The following GALNT9 variants were observed in gnomAD, a reference collection of about 807,000 sequenced individuals.
GALNT9 encodes the protein polypeptide N-acetylgalactosaminyltransferase 9, also known as GalNAc transferase 9.
Under a neutral mutation model 63.1 loss-of-function variants are expected in GALNT9, and 47 were observed. The observed-to-expected ratio is 0.75, with a 90% CI of 0.59 to 0.95. GALNT9 has a LOEUF of 0.95. Among genes scored for constraint, GALNT9 ranks in the 40% least tolerant of loss-of-function variants. GALNT9 has a pLI of 0.00. For synonymous variants in GALNT9, 396 were observed against 365.7 expected (o/e 1.08, Z -0.94); for missense variants, 829 against 874.8 (o/e 0.95, Z 0.66).
In GALNT9 at chr12:132,235,296, C is replaced by T. The variant is rs1037964941; in HGVS notation, c.1077+12614G>A. On this transcript the variant is annotated intron_variant, in intron 6 of 10. Coordinates refer to ENST00000328957, the MANE Select transcript of GALNT9 (RefSeq NM_001122636.2). Reference sequence around the variant, plus strand: ...GGAGTGAGGAGCCGGGTGCGGTGGGCGCTGTGCACGGTGTGGTCATTGGAG... The same window carrying T: ...GGAGTGAGGAGCCGGGTGCGGTGGGTGCTGTGCACGGTGTGGTCATTGGAG... Among the ~76,000 whole-genome samples, 225 of 151,682 alleles carry T rather than the reference C, an allele frequency of 1.5e-3. 3 individuals are homozygous for T. Among genetic ancestry groups the T allele is most frequent in the African/African-American group, 5.1e-3 (211 of 41,262 alleles).
At position 132,229,884 on chromosome 12, in the gene GALNT9, T is replaced by A. The variant is rs990502943; in HGVS notation, c.1077+18026A>T. Among the ~76,000 whole-genome samples the A allele has an allele frequency of 4.4e-3, 670 of 152,304 alleles. 18 individuals carry two copies. The East Asian group carries it at 0.066, about 15-fold the overall frequency. On this transcript the variant is annotated intron_variant, in intron 6 of 10. Transcript: ENST00000328957. Reference sequence around the variant, plus strand: ...GCTAGGAGCTTGCCCAAGGTCACCGTCCGTCGGTGGTGGAGTCACAGGCTC... The same window carrying A: ...GCTAGGAGCTTGCCCAAGGTCACCGACCGTCGGTGGTGGAGTCACAGGCTC...
At chr12:132,231,065 G>C (rs1384852115) in intron 6 of GALNT9, among the ~76,000 whole-genome samples, 1,539 of 73,576 alleles carry the variant, frequency 0.021, 13 homozygotes, top group African/African-American at 0.066. Context: ...GGAGTCCCTA[G>C]TGCCACACAC....
intron 10 of GALNT9, 124 bp downstream of exon 10, chr12:132,197,668 C>T: frequency 2.6e-6 from 2 of 755,096 alleles, no homozygotes; most frequent in Non-Finnish European, 2.2e-6. Context: ...GCCCGGTCCC[C>T]TGACCACCCC....
chr12:132,201,216 G>A lies in GALNT9; in HGVS notation c.1309C>T (p.Arg437Cys), dbSNP rs750512479. Residue 437 changes from arginine (R) to cysteine (C), a missense_variant, in exon 8 of 11, where the codon CGT becomes TGT. Arg to Cys is a radical substitution (Grantham distance 180). Transcript: ENST00000328957. ...AAGCTGCGACACTTCAGCCTCTGAC[G>A]CAGGGCCAGCCTCTCAGACACGTCC... ...FGDVSERLALRQRLKCRSFKW... is the reference protein window; with the variant it reads ...FGDVSERLALCQRLKCRSFKW... 8.1e-6 allele frequency: 13 copies of A among 1,612,782 alleles called. No individual in the cohort carries two copies. Among genetic ancestry groups the A allele is most frequent in the East Asian group, 2.2e-5 (1 of 44,898 alleles).
chr12:132,200,820 G>C (rs929936264), intron 8 of GALNT9: 20 of 399,294 alleles, frequency 5.0e-5, no homozygotes, highest in African/African-American at 3.7e-4. Context: ...CTACACACCT[G>C]CCTGCCTCTA....
intron 1 of GALNT9, among the ~76,000 whole-genome samples, chr12:132,292,745 G>A (rs1566015658): frequency 6.6e-6 from 1 of 152,256 alleles, no homozygotes; most frequent in Non-Finnish European, 1.5e-5. Context: ...CTCTGAGGGA[G>A]TGGGTGTGAG....
intron 2 of GALNT9, among the ~76,000 whole-genome samples, chr12:132,267,995 GCA>G (rs1280754234): frequency 3.9e-4 from 54 of 137,388 alleles, no homozygotes; most frequent in African/African-American, 1.1e-3. Context: ...TCACACACAT[GCA>G]CACACACAGG....
At chr12:132,292,824 C>A (rs1292282384) in intron 1 of GALNT9, among the ~76,000 whole-genome samples, 3 of 152,166 alleles carry the variant, frequency 2.0e-5, no homozygotes, top group African/African-American at 7.2e-5. Flanking sequence ...GTCTGGACCA[C>A]CGTTGTTCGG....
At chr12:132,247,531 G>A in intron 6 of GALNT9, 1 of 466,940 alleles carries the variant, frequency 2.1e-6, no homozygotes, top group Non-Finnish European at 4.3e-6. Flanking sequence ...AGGGCTCAGT[G>A]CGCTGAGCAG....
Position 132,197,096 on chromosome 12 carries a change from C to T in GALNT9, c.*11G>A, listed in dbSNP as rs372745215. On this transcript the variant is annotated 3_prime_UTR_variant, in exon 11 of 11. Transcript: ENST00000328957. ...TTCCCGAGGTCTGTGGGGGTCCGGG[C>T]GGAGGTGGGGTCAGTGCCGTGCGTG... 8.9e-5 allele frequency: 143 copies of T among 1,613,300 alleles called. No individual in the cohort carries two copies. The highest frequency in any genetic ancestry group is 1.1e-4 in the Non-Finnish European group (134 of 1,179,578).
At chr12:132,215,624 C>T (rs1387657648) in intron 6 of GALNT9, among the ~76,000 whole-genome samples, 1 of 152,228 alleles carries the variant, frequency 6.6e-6, no homozygotes, top group Non-Finnish European at 1.5e-5. Flanking sequence ...GACCGAGGTT[C>T]AAGAATGAAG....
At chr12:132,314,537 G>A (rs1396441146) in intron 1 of GALNT9, among the ~76,000 whole-genome samples, 1 of 152,182 alleles carries the variant, frequency 6.6e-6, no homozygotes, top group Non-Finnish European at 1.5e-5. Flanking sequence ...ATTGGGATTA[G>A]GACTCAGATC....
chr12:132,313,261 C>A (rs1232363708), intron 1 of GALNT9, among the ~76,000 whole-genome samples: 1 of 145,928 alleles, frequency 6.9e-6, no homozygotes, highest in Non-Finnish European at 1.5e-5. Context: ...ATCCATCCAT[C>A]CACCCACCCA....
In GALNT9 at chr12:132,303,265, G is replaced by A. The variant is rs1483691619; in HGVS notation, c.239-16835C>T. Among the ~76,000 whole-genome samples the A allele has an allele frequency of 1.2e-4, 19 of 152,126 alleles. 1 individual carries two copies. In the South Asian group the frequency reaches 1.4e-3, roughly 12 times the overall value. Reference sequence around the variant, plus strand: ...TCACCAGGAGAGAGGCCCCCACCCCGGGCACCTTGAGCAGCACAGGGCCAC... The same window carrying A: ...TCACCAGGAGAGAGGCCCCCACCCCAGGCACCTTGAGCAGCACAGGGCCAC... On this transcript the variant is annotated intron_variant, in intron 1 of 10. Transcript: ENST00000328957.
At chr12:132,248,094 G>C in intron 5 of GALNT9, 67 bp from the exon 6 acceptor site, 1 of 1,497,586 alleles carries the variant, frequency 6.7e-7, no homozygotes, top group Non-Finnish European at 8.9e-7. Context: ...GCTGGGCCAT[G>C]AGCCAGGAAA....
intron 5 of GALNT9, among the ~76,000 whole-genome samples, chr12:132,249,274 C>T (rs1168168935): frequency 2.0e-5 from 3 of 152,228 alleles, no homozygotes; most frequent in African/African-American, 4.8e-5. Flanking sequence ...CACGGCAGGC[C>T]GCCCTGCAGG....
chr12:132,256,244 A>C (rs1555239074), intron 5 of GALNT9, among the ~76,000 whole-genome samples: 1 of 151,866 alleles, frequency 6.6e-6, no homozygotes, highest in East Asian at 2.0e-4. Context: ...GCCTCCACCC[A>C]GGATGAATTT....
Position 132,197,048 on chromosome 12 carries a change from C to T in GALNT9, c.*59G>A, listed in dbSNP as rs1289450524. On this transcript the variant is annotated 3_prime_UTR_variant, in exon 11 of 11. Coordinates refer to ENST00000328957, the MANE Select transcript of GALNT9 (RefSeq NM_001122636.2). ...TGCCGGGCACACCCCGGTCACTCAG[C>T]CACACTGGCTCGGCCCAGCGCCTTC... 3 of 1,595,800 alleles carry T rather than the reference C, an allele frequency of 1.9e-6. No individual in the cohort carries two copies. Among genetic ancestry groups the T allele is most frequent in the Non-Finnish European group, 2.6e-6 (3 of 1,168,860 alleles).
rs1290463488 is a variant in GALNT9, at chr12:132,245,947, G to T, written c.1077+1963C>A. 1.3e-5 allele frequency among the ~76,000 whole-genome samples: 2 copies of T among 152,218 alleles called. No individual in the cohort carries two copies. Among genetic ancestry groups the T allele is most frequent in the Non-Finnish European group, 2.9e-5 (2 of 68,046 alleles). ...CCGTCCTCCCTCGCTCTTCGGCCTCGGTGGTGGCTGCGCACTGCCGGTCCC... is the reference window on the plus strand; with the variant it reads ...CCGTCCTCCCTCGCTCTTCGGCCTCTGTGGTGGCTGCGCACTGCCGGTCCC... On this transcript the variant is annotated intron_variant, in intron 6 of 10. Coordinates refer to ENST00000328957, the MANE Select transcript of GALNT9 (RefSeq NM_001122636.2). This position sits in a 1 kb window ranked among gnomAD's most constrained non-coding sequence, Gnocchi z 6.3.
Sources: gnomAD v4.1 joint callset for allele counts (sites outside exome capture counted in the v4.1 genomes callset) on GRCh38, gnomAD v4.1.1 for gene constraint, Gnocchi (gnomAD v3.1) non-coding constraint, MANE v1.5 for transcripts, NCBI Gene and HGNC (gene_info 2026-07-23, HGNC 2026-07-21) for gene names.